CPVL: variants seen among roughly 807,000 people sequenced by gnomAD.
CPVL encodes probable serine carboxypeptidase CPVL.
In CPVL, 51 loss-of-function variants were observed where a neutral mutation model predicts 63.7. The ratio of observed to expected loss-of-function variants is 0.80; its 90% confidence interval spans 0.64 to 1.01. CPVL has a LOEUF of 1.01. Among genes scored for constraint, CPVL ranks in the 50% least tolerant of loss-of-function variants. CPVL has a pLI of 0.00. For synonymous variants in CPVL, 195 were observed against 206.0 expected, an observed-to-expected ratio of 0.95 and a Z score of 0.46; for missense variants, 530 against 573.1, an observed-to-expected ratio of 0.92 and a Z score of 0.77.
chr7:29,120,821 A>C (rs1244519063), intron 2 of CPVL, 72 bp downstream of exon 2: 5 of 604,312 alleles, frequency 8.3e-6, no homozygotes, highest in South Asian at 6.9e-5. Context: ...TTCGTCTCAA[A>C]AAAAAAAAAA....
intron 1 of CPVL, chr7:29,122,725 G>T (rs1452881670): frequency 2.0e-5 from 3 of 152,190 alleles, no homozygotes; most frequent in African/African-American, 7.2e-5. Flanking sequence ...AGCGAGGGAG[G>T]TACAGATGCA....
intron 1 of CPVL, among the ~76,000 whole-genome samples, chr7:29,127,116 G>A (rs973120712): frequency 7.2e-5 from 11 of 152,170 alleles, no homozygotes; most frequent in African/African-American, 2.7e-4. Flanking sequence ...GGCAGGGAGA[G>A]AATGAGAAAA....
intron 4 of CPVL, among the ~76,000 whole-genome samples, chr7:29,095,604 A>C (rs141165134): frequency 2.5e-3 from 386 of 152,210 alleles, no homozygotes; most frequent in African/African-American, 7.9e-3. Flanking sequence ...AAAAAAAAAA[A>C]AAAACAAAAT....
At chr7:29,191,266 C>A (rs1337237166) in intron 1 of CPVL, among the ~76,000 whole-genome samples, 1 of 152,086 alleles carries the variant, frequency 6.6e-6, no homozygotes, top group Non-Finnish European at 1.5e-5. Context: ...AAATATATAC[C>A]AAAAGTACCA....
At chr7:29,129,551 C>T (rs1179621170) in intron 1 of CPVL, among the ~76,000 whole-genome samples, 1 of 151,320 alleles carries the variant, frequency 6.6e-6, no homozygotes, top group Non-Finnish European at 1.5e-5. Context: ...CTCATGCAAC[C>T]TCTGCCTCCC....
At chr7:29,179,958 CT>C (rs996074334) in intron 5 of CPVL, among the ~76,000 whole-genome samples, 1 of 152,116 alleles carries the variant, frequency 6.6e-6, no homozygotes, top group African/African-American at 2.4e-5. Context: ...TTCTATTGAT[CT>C]TTTGCTATTT....
intron 12 of CPVL, among the ~76,000 whole-genome samples, chr7:29,022,349 C>A (rs1404957749): frequency 6.6e-6 from 1 of 152,194 alleles, no homozygotes; most frequent in Non-Finnish European, 1.5e-5. Context: ...GACCTACCAC[C>A]CCCACTGCCA....
chr7:29,147,776 G>A (rs1792962729), upstream of CPVL, among the ~76,000 whole-genome samples: 1 of 152,178 alleles, frequency 6.6e-6, no homozygotes, highest in South Asian at 2.1e-4. Flanking sequence ...TACAAACAGA[G>A]ATCTGTAGGC....
intron 2 of CPVL, among the ~76,000 whole-genome samples, chr7:29,117,277 C>G: frequency 6.6e-6 from 1 of 152,112 alleles, no homozygotes; most frequent in Non-Finnish European, 1.5e-5. Context: ...CTGCTAATAC[C>G]CATAACTGAG....
At chr7:29,063,139 T>C (rs1344366481) in intron 11 of CPVL, among the ~76,000 whole-genome samples, 2 of 152,220 alleles carry the variant, frequency 1.3e-5, no homozygotes, top group Non-Finnish European at 1.5e-5. Context: ...CTTCTTTGCC[T>C]GAACCTCCAG....
At chr7:29,140,269 G>A (rs186099654) in intron 1 of CPVL, among the ~76,000 whole-genome samples, 1 of 152,190 alleles carries the variant, frequency 6.6e-6, no homozygotes, top group East Asian at 1.9e-4. Flanking sequence ...GCAAGACCCT[G>A]TCTCACATCA....
At chr7:29,116,350 A>G (rs577810140) in intron 2 of CPVL, among the ~76,000 whole-genome samples, 2 of 152,366 alleles carry the variant, frequency 1.3e-5, no homozygotes, top group South Asian at 4.1e-4. Context: ...ATGACTTTTT[A>G]TATTTTCAAA....
At chr7:29,103,475 G>A (rs377678628) in intron 3 of CPVL, among the ~76,000 whole-genome samples, 5 of 148,938 alleles carry the variant, frequency 3.4e-5, no homozygotes, top group African/African-American at 5.0e-5. Context: ...GGCTGGTCTC[G>A]AACTCTTAAC....
intron 5 of CPVL, among the ~76,000 whole-genome samples, chr7:29,163,544 C>T (rs1015249466): frequency 6.6e-6 from 1 of 151,974 alleles, no homozygotes; most frequent in Non-Finnish European, 1.5e-5. Context: ...AGACAATATC[C>T]ATTTTTTTTT....
intron 11 of CPVL, among the ~76,000 whole-genome samples, chr7:29,040,909 T>C (rs1789008994): frequency 6.6e-6 from 1 of 152,178 alleles, no homozygotes; most frequent in South Asian, 2.1e-4. Flanking sequence ...TCTGATGCAA[T>C]GATCTTTGGA....
chr7:29,040,037 A>C (rs1354770929), intron 11 of CPVL, among the ~76,000 whole-genome samples: 1 of 152,018 alleles, frequency 6.6e-6, no homozygotes, highest in African/African-American at 2.4e-5. Flanking sequence ...GTTGGCCTCT[A>C]TCTGTCTTAG....
rs1427247560 is a variant in CPVL, at chr7:29,185,786, C to T, written c.-346-189G>A. 2.0e-5 allele frequency among the ~76,000 whole-genome samples: 3 copies of T among 152,294 alleles called. No homozygotes were observed. In the East Asian group the frequency reaches 5.8e-4, roughly 29 times the overall value. On this transcript the variant is annotated intron_variant, in intron 2 of 16. Transcript: ENST00000409850. ...TTATTATTCAAAATTATTCACATCACCTCCAAGCTTGTTGGAAATTCAGGG... is the reference window on the plus strand; with the variant it reads ...TTATTATTCAAAATTATTCACATCATCTCCAAGCTTGTTGGAAATTCAGGG...
intron 5 of CPVL, among the ~76,000 whole-genome samples, chr7:29,165,593 C>G (rs1795804317): frequency 2.0e-5 from 3 of 152,132 alleles, no homozygotes; most frequent in Admixed American, 2.0e-4. Flanking sequence ...GTTACAATGA[C>G]AAGTAGAAGT....
intron 1 of CPVL, among the ~76,000 whole-genome samples, chr7:29,140,503 T>C (rs897341805): frequency 1.3e-5 from 2 of 152,150 alleles, no homozygotes; most frequent in African/African-American, 4.8e-5. Context: ...AAACCCTAAA[T>C]ACTGTCATAA....
Sources: allele counts gnomAD v4.1 joint callset (sites outside exome capture counted in the v4.1 genomes callset), GRCh38; gene constraint gnomAD v4.1.1; transcripts MANE v1.5; gene names NCBI Gene and HGNC (gene_info 2026-07-23, HGNC 2026-07-21).